Variants in PSMD13 observed in about 807,000 individuals in gnomAD.
PSMD13 encodes 26S proteasome non-ATPase regulatory subunit 13.
In PSMD13, 8 loss-of-function variants were observed where a neutral mutation model predicts 57.4. The ratio of observed to expected loss-of-function variants is 0.14; its 90% CI spans 0.08 to 0.25. The LOEUF (loss-of-function observed/expected upper bound fraction) is 0.25. Among genes scored for constraint, PSMD13 ranks in the 10% least tolerant of loss-of-function variants. The pLI is 1.00. For missense variants in PSMD13, 400 were observed against 461.5 expected (o/e 0.87, Z 1.22); for synonymous variants, 193 against 168.2 (o/e 1.15, Z -1.14).
intron 6 of PSMD13, among the ~76,000 whole-genome samples, chr11:246,604 A>ATG (rs1367508401): frequency 6.6e-6 from 1 of 152,192 alleles, no homozygotes; most frequent in Non-Finnish European, 1.5e-5. Flanking sequence ...TCTCACCAAG[A>ATG]TGTATGCCTA....
At position 251,900 on chromosome 11, in the gene PSMD13, G is replaced by T; in HGVS notation, c.999G>T (p.Met333Ile). 1 of 1,614,120 alleles carries T rather than the reference G, an allele frequency of 6.2e-7. No individual in the cohort carries two copies. Among genetic ancestry groups the T allele is most frequent in the South Asian group, 1.1e-5 (1 of 91,052 alleles). The change falls in exon 12 of 13, where the codon ATG becomes ATT. Residue 333 changes from methionine to isoleucine, a missense_variant. Physicochemically the swap from Met to Ile is conservative, Grantham distance 10 (BLOSUM62 1). Transcript: ENST00000532097. This position sits in a 1 kb window ranked among gnomAD's most constrained non-coding sequence, Gnocchi z 4.6. ...ACGAGGTGGACAAACGAGTCCACAT[G>T]ACCTGGGTGCAGCCCCGAGTGTTGG... ...SIDEVDKRVH[M>I]TWVQPRVLDL...
At chr11:238,338 C>T (rs539708547) in intron 1 of PSMD13, among the ~76,000 whole-genome samples, 1 of 152,286 alleles carries the variant, frequency 6.6e-6, no homozygotes, top group South Asian at 2.1e-4. Context: ...GATTAATGTT[C>T]TCCATTTCAT....
intron 2 of PSMD13, among the ~76,000 whole-genome samples, chr11:242,578 C>A (rs201007363): frequency 1.3e-5 from 2 of 151,582 alleles, no homozygotes; most frequent in East Asian, 1.9e-4. Flanking sequence ...CAAAAAAAAT[C>A]TTTTATACTC....
chr11:251,102 C>T lies in PSMD13; in HGVS notation c.837+237C>T. On this transcript the variant is annotated intron_variant, in intron 10 of 12. Coordinates refer to ENST00000532097, the MANE Select transcript of PSMD13 (RefSeq NM_002817.4). The surrounding 1 kb of genome is among the most constrained non-coding windows in gnomAD (Gnocchi z 4.6). ...CCCACTGCCACCACCCTGAGGCCTT[C>T]CCTGACCATCTGAACTGAGATGAAG... The T allele has an allele frequency of 1.9e-6, 1 of 531,434 alleles. No homozygotes were observed. Among genetic ancestry groups the T allele is most frequent in the Non-Finnish European group, 3.4e-6 (1 of 293,666 alleles). The allele number at this position is 531,434 out of a possible 1,614,324, so 32.9% of individuals were successfully genotyped here.
In PSMD13 at chr11:252,686, C is replaced by CA. The variant is rs1278406433; in HGVS notation, c.*87dup. On this transcript the variant is annotated 3_prime_UTR_variant, in exon 13 of 13. Coordinates refer to ENST00000532097, the MANE Select transcript of PSMD13 (RefSeq NM_002817.4). The surrounding 1 kb of genome is among the most constrained non-coding windows in gnomAD (Gnocchi z 4.1). ...TGAAGCTGGCTGCTCAGACGGTCGA[C>CA]ATTGAATTTGGGTGGGGGTTGGGAT... The CA allele has an allele frequency of 7.7e-7, 1 of 1,291,614 alleles. No individual in the cohort carries two copies. Among genetic ancestry groups the CA allele is most frequent in the Non-Finnish European group, 1.1e-6 (1 of 897,198 alleles). The allele number at this position is 1,291,614 out of a possible 1,614,324, so 80.0% of individuals were successfully genotyped here.
chr11:251,985 G>A lies in PSMD13; in HGVS notation c.1035+49G>A. 3.9e-6 allele frequency: 6 copies of A among 1,528,390 alleles called. No homozygotes were observed. Among genetic ancestry groups the A allele is most frequent in the Non-Finnish European group, 5.4e-6 (6 of 1,106,054 alleles). 94.7% of individuals were successfully genotyped at this position (1,528,390 alleles called of 1,614,324 possible). ...TCACCTCTGTGGATTTTGAGGGGTT[G>A]TGTCTATACCGTCTTAGTTTCATTT... On this transcript the variant is annotated intron_variant, in intron 12 of 12. Coordinates refer to ENST00000532097, the MANE Select transcript of PSMD13 (RefSeq NM_002817.4). The surrounding 1 kb of genome is among the most constrained non-coding windows in gnomAD (Gnocchi z 4.6).
In PSMD13 at chr11:237,024, T is replaced by A; in HGVS notation, c.-26T>A. On this transcript the variant is annotated 5_prime_UTR_variant, in exon 1 of 13. Transcript: ENST00000532097. The stretch of plus-strand genomic sequence containing the variant: ...GCGGTGCTGACATCCCGGTTGTTCT[T>A]CTGTGCCGGGGGTCTTCCTGCTGTC... 1 of 1,580,570 alleles carries A rather than the reference T, an allele frequency of 6.3e-7. No homozygotes were observed. Among genetic ancestry groups the A allele is most frequent in the South Asian group, 1.1e-5 (1 of 90,226 alleles).
intron 7 of PSMD13, 44 bp downstream of exon 7, chr11:247,492 C>G (rs755751572): frequency 1.9e-6 from 3 of 1,585,644 alleles, no homozygotes; most frequent in African/African-American, 1.4e-5. Flanking sequence ...AGCATATTCT[C>G]CAAACTTAGC....
chr11:244,477 T>A lies in PSMD13; in HGVS notation c.309+8T>A. 1 of 1,573,520 alleles carries A rather than the reference T, an allele frequency of 6.4e-7. No individual in the cohort carries two copies. The highest frequency in any genetic ancestry group is 8.6e-7 in the Non-Finnish European group (1 of 1,164,618). ...GAAAAGACTCGTGAGAAGGTAAATG[T>A]GGCATGTGGGCAATACCTTTTAGTA... On this transcript the variant is annotated splice_region_variant and intron_variant, in intron 5 of 12. Coordinates refer to ENST00000532097, the MANE Select transcript of PSMD13 (RefSeq NM_002817.4).
intron 2 of PSMD13, chr11:243,428 C>T (rs1490560620): frequency 3.4e-6 from 1 of 296,698 alleles, no homozygotes; most frequent in Non-Finnish European, 6.8e-6. Flanking sequence ...TGGGGATTCA[C>T]CTTCCTTCCA....
chr11:239,757 G>A (rs79044080), intron 2 of PSMD13, among the ~76,000 whole-genome samples: 1,775 of 152,072 alleles, frequency 0.012, 38 homozygotes, highest in African/African-American at 0.041. Context: ...ACATCCCCAC[G>A]AATTTGCTCA....
Position 251,769 on chromosome 11 carries a change from T to C in PSMD13, c.919-51T>C, listed in dbSNP as rs1395038992. The C allele has an allele frequency of 6.3e-7, 1 of 1,575,430 alleles. No individual in the cohort carries two copies. The highest frequency in any genetic ancestry group is 1.1e-5 in the South Asian group (1 of 89,852). Reference sequence around the variant, plus strand: ...GCTTCTCACAAGCCATCTGGGTCCATGGGGGTGTGTCAGGCTATCTTGTCT... The same window carrying C: ...GCTTCTCACAAGCCATCTGGGTCCACGGGGGTGTGTCAGGCTATCTTGTCT... On this transcript the variant is annotated intron_variant, in intron 11 of 12. Coordinates refer to ENST00000532097, the MANE Select transcript of PSMD13 (RefSeq NM_002817.4). The surrounding 1 kb of genome is among the most constrained non-coding windows in gnomAD (Gnocchi z 4.6).
At chr11:244,609 C>CT in intron 5 of PSMD13, 66 bp from the exon 6 acceptor site, 1 of 1,535,028 alleles carries the variant, frequency 6.5e-7, no homozygotes. Flanking sequence ...GTACAAGTAG[C>CT]TAGCTTCCTT....
At position 251,212 on chromosome 11, in the gene PSMD13, A is replaced by G; in HGVS notation, c.838-334A>G. 2.3e-6 allele frequency: 1 copy of G among 439,420 alleles called. No individual in the cohort carries two copies. Among genetic ancestry groups the G allele is most frequent in the Non-Finnish European group, 4.1e-6 (1 of 242,866 alleles). 27.2% of individuals were successfully genotyped at this position (439,420 alleles called of 1,614,324 possible). A position where few individuals can be genotyped will look rare whatever the true frequency, so the allele number is the denominator to read the frequency against. Reference sequence around the variant, plus strand: ...ACGCACATCTGTCTTTCCCCACTAGAACTTAAGCTTCGTCAGGAAGTGGCC... The same window carrying G: ...ACGCACATCTGTCTTTCCCCACTAGGACTTAAGCTTCGTCAGGAAGTGGCC... On this transcript the variant is annotated intron_variant, in intron 10 of 12. Transcript: ENST00000532097. This position sits in a 1 kb window ranked among gnomAD's most constrained non-coding sequence, Gnocchi z 4.6.
intron 6 of PSMD13, among the ~76,000 whole-genome samples, chr11:245,643 T>C (rs1403740712): frequency 1.3e-4 from 9 of 67,842 alleles, no homozygotes. Context: ...AACCAGAACG[T>C]GTGTGTGTGT....
In PSMD13 at chr11:244,024, A is replaced by G; in HGVS notation, c.175-17A>G. 1 of 1,599,824 alleles carries G rather than the reference A, an allele frequency of 6.3e-7. No homozygotes were observed. Among genetic ancestry groups the G allele is most frequent in the Non-Finnish European group, 8.5e-7 (1 of 1,170,746 alleles). On this transcript the variant is annotated splice_polypyrimidine_tract_variant and intron_variant, in intron 2 of 12. Transcript: ENST00000532097. ...AAAAGACATCCTATAATTTCTCTCC[A>G]TGTTTTGGTTTCACAGCTTTATGAA...
chr11:237,182 A>G (rs754644300), intron 1 of PSMD13, 38 bp downstream of exon 1: 3 of 1,576,410 alleles, frequency 1.9e-6, no homozygotes, highest in Non-Finnish European at 2.6e-6. Context: ...CCCCGGCGAT[A>G]GAGGGAGACG....
intron 1 of PSMD13, 68 bp downstream of exon 1, chr11:237,212 G>A (rs2686855): frequency 6.8e-7 from 1 of 1,461,772 alleles, no homozygotes; most frequent in Non-Finnish European, 9.4e-7. Context: ...GGCGGGCGGA[G>A]GAGCGGACCC....
intron 2 of PSMD13, chr11:243,589 G>T (rs1411570769): frequency 5.2e-6 from 2 of 385,696 alleles, no homozygotes; most frequent in African/African-American, 4.2e-5. Context: ...AAGCAGGATA[G>T]ATACAAATAA....
Sources: allele counts gnomAD v4.1 joint callset (sites outside exome capture counted in the v4.1 genomes callset), GRCh38; gene constraint gnomAD v4.1.1; non-coding constraint Gnocchi (gnomAD v3.1); transcripts MANE v1.5; gene names NCBI Gene and HGNC (gene_info 2026-07-23, HGNC 2026-07-21).